Variants in FAM227B observed in about 807,000 individuals in gnomAD.
FAM227B encodes the protein protein FAM227B.
Under a neutral mutation model 73.8 loss-of-function variants are expected in FAM227B, and 88 were observed. That is an observed-to-expected ratio of 1.19 (90% CI 1.00 to 1.42). FAM227B has a LOEUF of 1.42. Among genes scored for constraint, FAM227B ranks in the 40% most tolerant of loss-of-function variants. FAM227B has a pLI of 0.00. For synonymous variants in FAM227B, 210 were observed against 190.5 expected (o/e 1.10, Z -0.84); for missense variants, 632 against 590.9 (o/e 1.07, Z -0.72).
At chr15:49,391,024 C>G (rs2047179970) in intron 11 of FAM227B, among the ~76,000 whole-genome samples, 1 of 152,000 alleles carries the variant, frequency 6.6e-6, no homozygotes, top group South Asian at 2.1e-4. Context: ...TAGTTTCCGG[C>G]AACTCACTTT....
chr15:49,515,558 T>C (rs1333339647), intron 10 of FAM227B, among the ~76,000 whole-genome samples: 1 of 152,164 alleles, frequency 6.6e-6, no homozygotes, highest in East Asian at 1.9e-4. Flanking sequence ...TTATGCAGTG[T>C]AGTAAAGATG....
intron 13 of FAM227B, among the ~76,000 whole-genome samples, chr15:49,344,565 C>CT (rs1181391141): frequency 6.6e-6 from 1 of 152,150 alleles, no homozygotes; most frequent in African/African-American, 2.4e-5. Flanking sequence ...GACTGTAACT[C>CT]TTTTATCTGA....
At chr15:49,609,823 G>C (rs1280983703) in intron 3 of FAM227B, among the ~76,000 whole-genome samples, 1 of 151,772 alleles carries the variant, frequency 6.6e-6, no homozygotes, top group South Asian at 2.1e-4. Context: ...GTATTTGGTT[G>C]GGAAATTCAG....
At chr15:49,469,545 A>G (rs1263871995) in intron 11 of FAM227B, among the ~76,000 whole-genome samples, 2 of 152,086 alleles carry the variant, frequency 1.3e-5, no homozygotes, top group African/African-American at 2.4e-5. Flanking sequence ...TCTGTAGTCA[A>G]GGCCAAAACA....
chr15:49,525,669 TATATA>T (rs2060120597), intron 10 of FAM227B, among the ~76,000 whole-genome samples: 1 of 4,490 alleles, frequency 2.2e-4, no homozygotes, highest in Non-Finnish European at 6.9e-4. Context: ...TGGAGAAATA[TATATA>T]TATATATATA....
At chr15:49,358,446 GACAA>G (rs1332722738) in intron 13 of FAM227B, among the ~76,000 whole-genome samples, 11 of 138,174 alleles carry the variant, frequency 8.0e-5, no homozygotes, top group Admixed American at 5.0e-4. Context: ...ACCAACAACA[GACAA>G]ACAGAGAGCC....
At chr15:49,333,864 C>A (rs1028426022) in intron 14 of FAM227B, among the ~76,000 whole-genome samples, 8 of 152,072 alleles carry the variant, frequency 5.3e-5, no homozygotes, top group African/African-American at 1.9e-4. Flanking sequence ...TTTCTTGCTT[C>A]ATTGAGGAAA....
intron 13 of FAM227B, among the ~76,000 whole-genome samples, chr15:49,352,591 G>A (rs1409775153): frequency 6.6e-6 from 1 of 152,072 alleles, no homozygotes; most frequent in Non-Finnish European, 1.5e-5. Context: ...TTCCTATTCT[G>A]TGTTATGCAT....
chr15:49,592,462 C>T (rs1404884896), intron 3 of FAM227B, among the ~76,000 whole-genome samples: 5 of 152,236 alleles, frequency 3.3e-5, no homozygotes, highest in Non-Finnish European at 7.3e-5. Context: ...TGGTGGTCCA[C>T]TCCAGACCCT....
intron 11 of FAM227B, among the ~76,000 whole-genome samples, chr15:49,401,139 C>G (rs2048111249): frequency 6.6e-6 from 1 of 152,198 alleles, no homozygotes; most frequent in Non-Finnish European, 1.5e-5. Context: ...ACAATGAACT[C>G]AAACAAATTT....
intron 11 of FAM227B, among the ~76,000 whole-genome samples, chr15:49,455,389 G>C (rs1422908910): frequency 6.6e-6 from 1 of 152,122 alleles, no homozygotes; most frequent in Non-Finnish European, 1.5e-5. Flanking sequence ...TGAATACTGT[G>C]TGCAGAAAAA....
chr15:49,394,751 C>A (rs2047454741), intron 11 of FAM227B, among the ~76,000 whole-genome samples: 1 of 152,092 alleles, frequency 6.6e-6, no homozygotes, highest in Non-Finnish European at 1.5e-5. Context: ...GAAGAAAGGA[C>A]TTCAGTGAGT....
intron 11 of FAM227B, among the ~76,000 whole-genome samples, chr15:49,436,395 C>T (rs1478896894): frequency 6.6e-6 from 1 of 151,500 alleles, no homozygotes; most frequent in African/African-American, 2.4e-5. Flanking sequence ...TTGCTTTAAA[C>T]CTTCCAGCTT....
At chr15:49,511,389 T>C (rs985742505) in intron 10 of FAM227B, among the ~76,000 whole-genome samples, 1 of 151,984 alleles carries the variant, frequency 6.6e-6, no homozygotes, top group Non-Finnish European at 1.5e-5. Flanking sequence ...CTAGTTTCCA[T>C]TTCTCTAATT....
At chr15:49,474,057 A>G (rs1181922149) in intron 11 of FAM227B, among the ~76,000 whole-genome samples, 1 of 152,174 alleles carries the variant, frequency 6.6e-6, no homozygotes, top group African/African-American at 2.4e-5. Flanking sequence ...TGATAGGCGA[A>G]CTTTTTATTA....
At chr15:49,442,688 G>A (rs533604174) in intron 11 of FAM227B, among the ~76,000 whole-genome samples, 1 of 151,746 alleles carries the variant, frequency 6.6e-6, no homozygotes, top group Non-Finnish European at 1.5e-5. Context: ...TAAAGCTGCA[G>A]GTAAAGGAAA....
chr15:49,424,748 A>C, intron 11 of FAM227B: 1 of 521,542 alleles, frequency 1.9e-6, no homozygotes, highest in Non-Finnish European at 3.2e-6. Context: ...CCCTAAAAAT[A>C]TCTCTTTTAA....
chr15:49,426,468 T>C (rs944700799), intron 11 of FAM227B, among the ~76,000 whole-genome samples: 10 of 151,934 alleles, frequency 6.6e-5, no homozygotes, highest in Non-Finnish European at 1.2e-4. Flanking sequence ...AAAAAGTAGA[T>C]GTAAAATCCA....
At chr15:49,480,036 G>A (rs1283855352) in intron 11 of FAM227B, among the ~76,000 whole-genome samples, 4 of 152,180 alleles carry the variant, frequency 2.6e-5, no homozygotes, top group Non-Finnish European at 5.9e-5. Flanking sequence ...GAATAAAAGA[G>A]GGTTGTAGGA....
Sources: gnomAD v4.1 joint callset for allele counts (sites outside exome capture counted in the v4.1 genomes callset) on GRCh38, gnomAD v4.1.1 for gene constraint, MANE v1.5 for transcripts, NCBI Gene and HGNC (gene_info 2026-07-23, HGNC 2026-07-21) for gene names.